FILIP1L: variants seen among roughly 807,000 people sequenced by gnomAD.
FILIP1L encodes filamin A interacting protein 1 like, also known as filamin A-interacting protein 1-like.
A neutral mutation model predicts 96.6 loss-of-function variants in FILIP1L; 55 were observed. That is an observed-to-expected ratio of 0.57 (90% CI 0.46 to 0.71). FILIP1L has a LOEUF of 0.71. Among genes scored for constraint, FILIP1L ranks in the 30% least tolerant of loss-of-function variants. The probability of loss-of-function intolerance (pLI) is 0.00; values close to 1 mark genes in which losing one functional copy is unlikely to be tolerated. For synonymous variants in FILIP1L, 467 were observed against 473.9 expected (o/e 0.99, Z 0.19); for missense variants, 1,304 against 1,321.2 (o/e 0.99, Z 0.20).
Position 99,934,612 on chromosome 3 carries a change from A to T in FILIP1L, c.-10-3582T>A, listed in dbSNP as rs577681125. On this transcript the variant is annotated intron_variant, in intron 1 of 5. Coordinates refer to ENST00000477258, the MANE Select transcript of FILIP1L (RefSeq NM_001387850.1). ...GAATACCAAGATAATGTAAGCTTTT[A>T]TTTAGCAGGGTAATTTGCTAAACAT... is the stretch of plus-strand genomic sequence containing the variant. Among the ~76,000 whole-genome samples, 21 of 152,288 alleles carry T rather than the reference A, an allele frequency of 1.4e-4. 1 individual carries two copies. In the East Asian group the frequency reaches 3.9e-3, roughly 28 times the overall value.
At chr3:99,996,843 A>G (rs912004040) in intron 1 of FILIP1L, among the ~76,000 whole-genome samples, 1 of 152,074 alleles carries the variant, frequency 6.6e-6, no homozygotes, top group Admixed American at 6.5e-5. Context: ...ACACATGGGA[A>G]TTATGGGAGT....
rs552659707 is a variant in FILIP1L, at chr3:100,060,680, C to A, written c.-11+53373G>T. 2.0e-5 allele frequency among the ~76,000 whole-genome samples: 3 copies of A among 152,060 alleles called. No homozygotes were observed. The East Asian group carries it at 5.8e-4, about 29-fold the overall frequency. On this transcript the variant is annotated intron_variant, in intron 1 of 5. Coordinates refer to ENST00000477258, the MANE Select transcript of FILIP1L (RefSeq NM_001387850.1). ...GACCAGCCTGGGCAATATAGTGAAA[C>A]CCCATCTCCACAAAAAATAGAAAAA...
At chr3:99,975,893 TTTG>T (rs533765835) in intron 1 of FILIP1L, among the ~76,000 whole-genome samples, 242 of 152,286 alleles carry the variant, frequency 1.6e-3, no homozygotes, top group African/African-American at 4.7e-3. Context: ...AATGTCTCTT[TTTG>T]TTGTTGTTGT....
rs777794060 is a variant in FILIP1L at position 99,910,457 on chromosome 3, C to T, written c.605+13773G>A. On this transcript the variant is annotated intron_variant, in intron 4 of 5. Transcript: ENST00000477258. ...TCATTTCTTTAATAAATCTTCCTAT[C>T]ACTGAGAGCTTTTAAAGTAAACAAA... Among the ~76,000 whole-genome samples, 22 of 136,126 alleles carry T rather than the reference C, an allele frequency of 1.6e-4. 4 individuals are homozygous for T. Among genetic ancestry groups the T allele is most frequent in the Non-Finnish European group, 3.2e-4 (19 of 59,562 alleles). The allele number at this position is 136,126 out of a possible 152,430, so 89.3% of individuals were successfully genotyped here.
chr3:99,930,100 T>C (rs1346965524), intron 2 of FILIP1L, 71 bp from the exon 3 acceptor site: 1 of 1,262,158 alleles, frequency 7.9e-7, no homozygotes, highest in Non-Finnish European at 1.1e-6. Flanking sequence ...ATTTTTGTGA[T>C]AGTTGGCAGT....
intron 1 of FILIP1L, among the ~76,000 whole-genome samples, chr3:100,064,052 A>G (rs779898403): frequency 5.9e-5 from 9 of 152,100 alleles, no homozygotes; most frequent in Non-Finnish European, 1.0e-4. Flanking sequence ...AAGCAGGTGG[A>G]AGAGTTCTTG....
chr3:100,057,902 T>C (rs549889579), intron 1 of FILIP1L, among the ~76,000 whole-genome samples: 114 of 152,292 alleles, frequency 7.5e-4, no homozygotes, highest in Non-Finnish European at 1.1e-3. Context: ...TCAAAGATCC[T>C]GATGACCTTT....
At chr3:99,957,287 ATTC>A (rs1438846124) in intron 1 of FILIP1L, among the ~76,000 whole-genome samples, 6 of 152,356 alleles carry the variant, frequency 3.9e-5, no homozygotes, top group African/African-American at 1.4e-4. Context: ...CATAGCAGCT[ATTC>A]TTAAGAATTC....
intron 4 of FILIP1L, among the ~76,000 whole-genome samples, chr3:99,890,125 T>C (rs1706037448): frequency 6.6e-6 from 1 of 152,142 alleles, no homozygotes; most frequent in South Asian, 2.1e-4. Context: ...ACCATCGTTC[T>C]TGAGGATTTT....
At chr3:99,882,971 T>C (rs1041885564) in intron 4 of FILIP1L, among the ~76,000 whole-genome samples, 1 of 152,248 alleles carries the variant, frequency 6.6e-6, no homozygotes, top group South Asian at 2.1e-4. Context: ...TAAATTTCTG[T>C]GTTATCATGT....
At chr3:100,099,218 C>T (rs559262486) in intron 1 of FILIP1L, among the ~76,000 whole-genome samples, 1 of 152,244 alleles carries the variant, frequency 6.6e-6, no homozygotes, top group East Asian at 1.9e-4. Context: ...AGGTAATAGA[C>T]TGAATATTTA....
rs1708766654 is a variant in FILIP1L at position 99,969,983 on chromosome 3, A to G, written c.-10-38953T>C. On this transcript the variant is annotated intron_variant, in intron 1 of 5. Coordinates refer to ENST00000477258, the MANE Select transcript of FILIP1L (RefSeq NM_001387850.1). ...CAAATGAGGCTGTTACATCAGAGGCATTAGGGAGTAATGGTTTAGAAGCAT... is the reference window on the plus strand; with the variant it reads ...CAAATGAGGCTGTTACATCAGAGGCGTTAGGGAGTAATGGTTTAGAAGCAT... Among the ~76,000 whole-genome samples, 3 of 152,246 alleles carry G rather than the reference A, an allele frequency of 2.0e-5. No individual in the cohort carries two copies. In the South Asian group the frequency reaches 6.2e-4, roughly 32 times the overall value.
intron 5 of FILIP1L, among the ~76,000 whole-genome samples, chr3:99,835,634 A>G (rs184013829): frequency 6.6e-6 from 1 of 152,216 alleles, no homozygotes; most frequent in African/African-American, 2.4e-5. Context: ...GCAAAGTCAT[A>G]TGTGATTCTG....
chr3:100,106,336 G>A (rs1472630702), intron 1 of FILIP1L, among the ~76,000 whole-genome samples: 1 of 152,162 alleles, frequency 6.6e-6, no homozygotes, highest in Admixed American at 6.5e-5. Flanking sequence ...GCCTAGGCAT[G>A]ACTGATTCTA....
intron 1 of FILIP1L, among the ~76,000 whole-genome samples, chr3:99,943,677 C>A (rs1707920058): frequency 6.6e-6 from 1 of 151,852 alleles, no homozygotes. Context: ...GCACTCCAGC[C>A]TGGGCAACAG....
chr3:99,961,333 C>T (rs771645742), intron 1 of FILIP1L, among the ~76,000 whole-genome samples: 2 of 152,030 alleles, frequency 1.3e-5, no homozygotes, highest in East Asian at 3.9e-4. Flanking sequence ...TTTTTAACCC[C>T]AATACTCCAT....
intron 1 of FILIP1L, among the ~76,000 whole-genome samples, chr3:99,950,908 G>A (rs1396238938): frequency 6.6e-6 from 1 of 152,186 alleles, no homozygotes; most frequent in Non-Finnish European, 1.5e-5. Flanking sequence ...GACAGTAGTA[G>A]CTGGAGGGAG....
chr3:100,010,079 T>A, intron 1 of FILIP1L: 1 of 503,990 alleles, frequency 2.0e-6, no homozygotes, highest in Non-Finnish European at 2.6e-6. Flanking sequence ...TATTGAGGGT[T>A]GAGTACCATA....
Position 99,854,184 on chromosome 3 carries a change from G to A in FILIP1L, c.606-3114C>T, listed in dbSNP as rs549741422. Among the ~76,000 whole-genome samples, 12 of 152,272 alleles carry A rather than the reference G, an allele frequency of 7.9e-5. No homozygotes were observed. The East Asian group carries it at 2.3e-3, about 29-fold the overall frequency. ...AGAAGGTATAGGGTGAGGAGGGTGT[G>A]GAGTTGAGCCTCCTAAGCCTGCTTC... On this transcript the variant is annotated intron_variant, in intron 4 of 5. Coordinates refer to ENST00000477258, the MANE Select transcript of FILIP1L (RefSeq NM_001387850.1).
Sources: allele counts gnomAD v4.1 joint callset (sites outside exome capture counted in the v4.1 genomes callset), GRCh38; gene constraint gnomAD v4.1.1; transcripts MANE v1.5; gene names NCBI Gene and HGNC (gene_info 2026-07-23, HGNC 2026-07-21).